TOX2: variants seen among roughly 807,000 people sequenced by gnomAD.
The protein encoded by TOX2 is TOX high mobility group box family member 2, also known as granulosa cell HMG box 1.
TOX2 carries 15 observed loss-of-function variants against 47.4 expected under a neutral mutation model. The ratio of observed to expected loss-of-function variants is 0.32; its 90% CI spans 0.21 to 0.49. The LOEUF (loss-of-function observed/expected upper bound fraction) is 0.49, where lower values mean the gene tolerates loss of function less well. Among genes scored for constraint, TOX2 ranks in the 20% least tolerant of loss-of-function variants. TOX2 has a pLI of 0.99. For synonymous variants in TOX2, 290 were observed against 296.6 expected, an observed-to-expected ratio of 0.98 and a Z score of 0.23; for missense variants, 622 against 673.1, an observed-to-expected ratio of 0.92 and a Z score of 0.84.
At chr20:44,060,658 T>C (rs1207061845) in intron 5 of TOX2, among the ~76,000 whole-genome samples, 1 of 152,182 alleles carries the variant, frequency 6.6e-6, no homozygotes, top group East Asian at 1.9e-4. Flanking sequence ...TCCTGAATGA[T>C]TGTTGGGTCA....
chr20:44,017,877 A>G (rs2070907840), intron 3 of TOX2, among the ~76,000 whole-genome samples: 1 of 152,194 alleles, frequency 6.6e-6, no homozygotes, highest in Non-Finnish European at 1.5e-5. Context: ...TGGGCTCTCC[A>G]TATCTAGCCC....
At chr20:44,045,225 C>T (rs1202923967) in intron 3 of TOX2, among the ~76,000 whole-genome samples, 2 of 152,050 alleles carry the variant, frequency 1.3e-5, no homozygotes, top group African/African-American at 4.8e-5. Flanking sequence ...ATATTTAATG[C>T]CACTGAACTG....
At chr20:44,058,768 G>A (rs924047691) in intron 5 of TOX2, among the ~76,000 whole-genome samples, 25 of 152,134 alleles carry the variant, frequency 1.6e-4, no homozygotes, top group Admixed American at 3.9e-4. Context: ...CGGTAGCTCC[G>A]CTGGGTGGCT....
Position 44,069,433 on chromosome 20 carries a change from T to C in TOX2, c.*747T>C, listed in dbSNP as rs2071899179. On this transcript the variant is annotated 3_prime_UTR_variant, in exon 9 of 9. Transcript: ENST00000341197. ...AATTGCCGGCGACGACTTTTGTCTA[T>C]TTATGAAGAAACCTTGAGAACGAAG... The C allele has an allele frequency of 6.5e-6, 1 of 154,490 alleles. No individual in the cohort carries two copies. The highest frequency in any genetic ancestry group is 2.4e-5 in the African/African-American group (1 of 41,454). 9.6% of individuals were successfully genotyped at this position (154,490 alleles called of 1,614,324 possible).
intron 3 of TOX2, among the ~76,000 whole-genome samples, chr20:44,009,958 T>C (rs1393555117): frequency 2.6e-5 from 4 of 152,300 alleles, no homozygotes; most frequent in African/African-American, 9.6e-5. Context: ...GGCTTCACCT[T>C]TGAAGCCTCG....
chr20:44,048,498 C>G (rs1200583131), intron 3 of TOX2, among the ~76,000 whole-genome samples: 1 of 148,206 alleles, frequency 6.7e-6, no homozygotes, highest in African/African-American at 2.5e-5. Context: ...AAACAAAAAG[C>G]ACTGGGCCTC....
intron 5 of TOX2, among the ~76,000 whole-genome samples, chr20:44,058,485 C>G (rs2071661253): frequency 6.6e-6 from 1 of 152,340 alleles, no homozygotes; most frequent in Non-Finnish European, 1.5e-5. Context: ...CTTGGGAACT[C>G]CATGGCCCCG....
intron 2 of TOX2, among the ~76,000 whole-genome samples, chr20:43,992,849 CAAA>C (rs11483440): frequency 1.3e-5 from 1 of 74,534 alleles, no homozygotes. Flanking sequence ...GTAGGGTTTA[CAAA>C]AAAAAAAAAA....
At chr20:43,935,398 G>A (rs1246804660) in intron 1 of TOX2, among the ~76,000 whole-genome samples, 1 of 152,208 alleles carries the variant, frequency 6.6e-6, no homozygotes, top group Non-Finnish European at 1.5e-5. Flanking sequence ...AAGCTGCTAT[G>A]TGGGGATAAG....
chr20:43,933,550 A>G (rs2069283033), intron 1 of TOX2, among the ~76,000 whole-genome samples: 1 of 152,238 alleles, frequency 6.6e-6, no homozygotes, highest in Non-Finnish European at 1.5e-5. Flanking sequence ...CTGAGATTCT[A>G]GAAGCAGAGC....
intron 1 of TOX2, among the ~76,000 whole-genome samples, chr20:43,970,053 C>T (rs1355734022): frequency 6.6e-6 from 1 of 152,158 alleles, no homozygotes; most frequent in African/African-American, 2.4e-5. Context: ...TTATCAAGCA[C>T]CTGTTATGCG....
At chr20:43,997,065 C>T (rs1183456237) in intron 2 of TOX2, among the ~76,000 whole-genome samples, 1 of 152,200 alleles carries the variant, frequency 6.6e-6, no homozygotes, top group Non-Finnish European at 1.5e-5. Flanking sequence ...TATACTCCAA[C>T]TCTCAACAAG....
At chr20:43,986,633 G>A (rs1272656374) in intron 2 of TOX2, among the ~76,000 whole-genome samples, 1 of 152,130 alleles carries the variant, frequency 6.6e-6, no homozygotes, top group African/African-American at 2.4e-5. Context: ...ATATGTAAAA[G>A]ACTAAGTTGA....
chr20:44,033,708 G>T (rs1254092648), intron 3 of TOX2, among the ~76,000 whole-genome samples: 1 of 151,972 alleles, frequency 6.6e-6, no homozygotes, highest in East Asian at 1.9e-4. Flanking sequence ...TTATGGAAAT[G>T]CTTCTCCCCT....
chr20:43,955,275 G>C (rs552668975), intron 1 of TOX2: 12 of 985,490 alleles, frequency 1.2e-5, no homozygotes, highest in East Asian at 1.1e-4. Flanking sequence ...CTGTGCATGT[G>C]AGTAGCTGCT....
At chr20:44,014,269 T>C (rs927897618) in intron 3 of TOX2, among the ~76,000 whole-genome samples, 9 of 151,916 alleles carry the variant, frequency 5.9e-5, no homozygotes, top group Non-Finnish European at 7.4e-5. Context: ...TTCAAACCTC[T>C]GCACGCATCC....
chr20:43,932,055 G>A (rs944210682), intron 1 of TOX2, among the ~76,000 whole-genome samples: 1 of 152,214 alleles, frequency 6.6e-6, no homozygotes, highest in Non-Finnish European at 1.5e-5. Flanking sequence ...GATGTATGCA[G>A]TTTGGGGATG....
rs144544286 is a variant in TOX2, at chr20:44,006,751, C to G, written c.370C>G (p.Leu124Val). 6.2e-7 allele frequency: 1 copy of G among 1,614,008 alleles called. No individual in the cohort carries two copies. Among genetic ancestry groups the G allele is most frequent in the Non-Finnish European group, 8.5e-7 (1 of 1,180,006 alleles). ...DLPAIMVSNM[L>V]AQDSHLLSGQ... Reference sequence around the variant, plus strand: ...CCCAGCCATCATGGTGTCCAACATGCTAGCACAGGACAGCCACCTGCTGTC... The same window carrying G: ...CCCAGCCATCATGGTGTCCAACATGGTAGCACAGGACAGCCACCTGCTGTC... Residue 124 changes from leucine to valine, a missense_variant, in exon 3 of 9, where the codon CTA becomes GTA. Transcript: ENST00000341197.
intron 8 of TOX2, among the ~76,000 whole-genome samples, chr20:44,067,835 C>T (rs937085920): frequency 2.0e-5 from 3 of 152,154 alleles, no homozygotes; most frequent in Non-Finnish European, 2.9e-5. Flanking sequence ...AAATGAGTCC[C>T]GCAGCCACAC....
Sources: allele counts gnomAD v4.1 joint callset (sites outside exome capture counted in the v4.1 genomes callset), GRCh38; gene constraint gnomAD v4.1.1; transcripts MANE v1.5; gene names NCBI Gene and HGNC (gene_info 2026-07-23, HGNC 2026-07-21).